The following MIR2052HG variants were observed in gnomAD, a reference collection of about 807,000 sequenced individuals.
MIR2052HG encodes MIR2052 host gene.
chr8:74,702,977 G>A (rs984301967), intron 3 of MIR2052HG, among the ~76,000 whole-genome samples: 12 of 152,052 alleles, frequency 7.9e-5, no homozygotes, highest in African/African-American at 1.2e-4. Flanking sequence ...GGGGTGTTAC[G>A]TTCTCTGAAA....
rs189234929 is a variant in MIR2052HG, at chr8:74,612,958, G to A, written n.216+18G>A. The A allele has an allele frequency of 1.9e-4, 87 of 456,158 alleles. No homozygotes were observed. The East Asian group carries it at 5.5e-3, about 29-fold the overall frequency. 28.3% of individuals were successfully genotyped at this position (456,158 alleles called of 1,614,324 possible). The stretch of plus-strand genomic sequence containing the variant: ...AGTGGAAGGTGGGAAAGATCTTTGA[G>A]TGCAGCTGCACTGTGTGGGAAGACA... On this transcript the variant is annotated intron_variant and non_coding_transcript_variant, in intron 2 of 6. Coordinates refer to ENST00000523442, the Ensembl canonical transcript of MIR2052HG.
chr8:74,707,545 C>T (rs1809423388), intron 4 of MIR2052HG, among the ~76,000 whole-genome samples: 2 of 151,902 alleles, frequency 1.3e-5, no homozygotes, highest in Non-Finnish European at 2.9e-5. Flanking sequence ...GGATTTGTGC[C>T]CTGATAGTAT....
chr8:74,675,062 C>G (rs936160434), intron 2 of MIR2052HG, among the ~76,000 whole-genome samples: 1 of 151,936 alleles, frequency 6.6e-6, no homozygotes, highest in Non-Finnish European at 1.5e-5. Context: ...AATAATTGAA[C>G]AAATTTACTG....
intron 4 of MIR2052HG, among the ~76,000 whole-genome samples, chr8:74,746,592 G>GTGTA (rs1186257918): frequency 8.6e-3 from 2 of 232 alleles, no homozygotes; most frequent in African/African-American, 0.03. Flanking sequence ...GTGTGTGTGT[G>GTGTA]TGTGTGTCAA....
At chr8:74,678,530 T>C (rs1586911612) in intron 2 of MIR2052HG, among the ~76,000 whole-genome samples, 1 of 122,892 alleles carries the variant, frequency 8.1e-6, no homozygotes. Context: ...GCCATTGCAC[T>C]CCAGCCTGGG....
chr8:74,662,892 GT>G (rs1242162998), intron 2 of MIR2052HG, among the ~76,000 whole-genome samples: 1 of 145,170 alleles, frequency 6.9e-6, no homozygotes, highest in African/African-American at 2.6e-5. Context: ...GTGTGTGTGT[GT>G]GGTATAATTT....
At chr8:74,724,909 C>T (rs571935087) in intron 4 of MIR2052HG, among the ~76,000 whole-genome samples, 7 of 151,924 alleles carry the variant, frequency 4.6e-5, no homozygotes, top group African/African-American at 1.7e-4. Flanking sequence ...CTTCCCAATT[C>T]TGCTGGTAAG....
At chr8:74,680,487 G>A (rs1227538461) in intron 2 of MIR2052HG, among the ~76,000 whole-genome samples, 6 of 152,116 alleles carry the variant, frequency 3.9e-5, no homozygotes, top group Admixed American at 6.5e-5. Context: ...GGCCATCAGA[G>A]AAATGCAAAT....
chr8:74,603,138 A>T lies in MIR2052HG; in HGVS notation n.128+3230A>T, dbSNP rs565674820. The stretch of plus-strand genomic sequence containing the variant: ...AGAAAGGAATTAAAACACTTTAAGT[A>T]AAAAATCACGAGTGGATGATAAAGT... On this transcript the variant is annotated intron_variant and non_coding_transcript_variant, in intron 1 of 6. Transcript: ENST00000523442. 28 of 670,272 alleles carry T rather than the reference A, an allele frequency of 4.2e-5. No individual in the cohort carries two copies. The South Asian group carries it at 4.9e-4, about 12-fold the overall frequency. 41.5% of individuals were successfully genotyped at this position (670,272 alleles called of 1,614,324 possible).
At chr8:74,669,268 G>A (rs1397303312) in intron 2 of MIR2052HG, among the ~76,000 whole-genome samples, 3 of 152,032 alleles carry the variant, frequency 2.0e-5, no homozygotes, top group African/African-American at 7.2e-5. Context: ...ACTTTGATCT[G>A]TTCCTCAAAA....
At chr8:74,673,910 T>TATATATATATATATATATATATAC (rs1485340799) in intron 2 of MIR2052HG, among the ~76,000 whole-genome samples, 12 of 133,230 alleles carry the variant, frequency 9.0e-5, no homozygotes, top group African/African-American at 4.1e-4. Context: ...TATATATATA[T>TATATATATATATATATATATATAC]ACACACACAA....
rs539719285 is a variant in MIR2052HG at position 74,737,793 on chromosome 8, TG to T, written n.372-14647del. The stretch of plus-strand genomic sequence containing the variant: ...AATGAAATCTTCAGACTTTTGTTTT[TG>T]TTTGTTTTTTCTTACATACATAGTT... On this transcript the variant is annotated intron_variant and non_coding_transcript_variant, in intron 4 of 6. Coordinates refer to ENST00000523442, the Ensembl canonical transcript of MIR2052HG. Among the ~76,000 whole-genome samples, 59 of 152,304 alleles carry T rather than the reference TG, an allele frequency of 3.9e-4. 2 individuals carry two copies. In the South Asian group the frequency reaches 5.0e-3, roughly 13 times the overall value.
intron 2 of MIR2052HG, among the ~76,000 whole-genome samples, chr8:74,613,935 A>C (rs1345167339): frequency 6.6e-6 from 1 of 152,222 alleles, no homozygotes; most frequent in African/African-American, 2.4e-5. Context: ...TATTTACATG[A>C]ATTTAATTGA....
At chr8:74,609,013 A>T (rs572593629) in intron 1 of MIR2052HG, among the ~76,000 whole-genome samples, 2 of 152,150 alleles carry the variant, frequency 1.3e-5, no homozygotes, top group Non-Finnish European at 2.9e-5. Context: ...TAATAAAAAC[A>T]AAAGAATTTT....
intron 4 of MIR2052HG, among the ~76,000 whole-genome samples, chr8:74,715,765 T>G (rs539419273): frequency 6.6e-6 from 1 of 152,332 alleles, no homozygotes; most frequent in Admixed American, 6.5e-5. Context: ...AAAAGTAATG[T>G]GTTGGTCCAG....
intron 4 of MIR2052HG, among the ~76,000 whole-genome samples, chr8:74,704,119 T>C (rs985432119): frequency 1.3e-5 from 2 of 151,652 alleles, no homozygotes; most frequent in African/African-American, 2.4e-5. Flanking sequence ...AGATCTGTGA[T>C]TTTTTTTCTA....
intron 2 of MIR2052HG, among the ~76,000 whole-genome samples, chr8:74,673,549 A>G (rs1175066838): frequency 6.6e-6 from 1 of 152,040 alleles, no homozygotes; most frequent in Non-Finnish European, 1.5e-5. Flanking sequence ...ATGGAGGTAA[A>G]TATCCTTCTT....
chr8:74,628,702 GAGTTCAGT>G (rs1366821490), intron 2 of MIR2052HG: 13 of 152,172 alleles, frequency 8.5e-5, no homozygotes, highest in Admixed American at 2.0e-4. Context: ...TACTTTCTAG[GAGTTCAGT>G]AGTAGGATAA....
chr8:74,649,789 T>A (rs796329102), intron 2 of MIR2052HG, among the ~76,000 whole-genome samples: 6 of 152,220 alleles, frequency 3.9e-5, no homozygotes, highest in African/African-American at 1.4e-4. Flanking sequence ...GGAAAAGTAA[T>A]ATTTAAGTTC....
Sources: gnomAD v4.1 joint callset for allele counts (sites outside exome capture counted in the v4.1 genomes callset) on GRCh38, gnomAD v4.1.1 for gene constraint, MANE v1.5 for transcripts, NCBI Gene and HGNC (gene_info 2026-07-23, HGNC 2026-07-21) for gene names.